Variants in MOB4 observed in about 807,000 individuals in gnomAD.
The protein encoded by MOB4 is MOB family member 4, phocein, also known as MOB-like protein phocein.
In MOB4, 4 loss-of-function variants were observed where a neutral mutation model predicts 32.2. The observed-to-expected ratio is 0.12, with a 90% CI of 0.06 to 0.28. The LOEUF is 0.28. Among genes scored for constraint, MOB4 ranks in the 10% least tolerant of loss-of-function variants. MOB4 has a pLI of 1.00. For synonymous variants in MOB4, 88 were observed against 88.1 expected (o/e 1.00, Z 0.01); for missense variants, 158 against 271.2 (o/e 0.58, Z 2.93).
intron 2 of MOB4, among the ~76,000 whole-genome samples, chr2:197,527,214 G>GT (rs2086625779): frequency 6.6e-6 from 1 of 151,838 alleles, no homozygotes; most frequent in South Asian, 2.1e-4. Context: ...AGATTGCCTC[G>GT]TATCTCTAGA....
At chr2:197,539,504 G>A (rs2086861395) in intron 3 of MOB4, among the ~76,000 whole-genome samples, 1 of 151,864 alleles carries the variant, frequency 6.6e-6, no homozygotes, top group African/African-American at 2.4e-5. Flanking sequence ...TTTTTGTGGC[G>A]ATGGAGTTTC....
At chr2:197,520,314 A>G (rs780270820) in intron 1 of MOB4, among the ~76,000 whole-genome samples, 45 of 148,874 alleles carry the variant, frequency 3.0e-4, no homozygotes, top group Admixed American at 1.3e-3. Flanking sequence ...AATTTTTTGT[A>G]TTTTTTCATA....
chr2:197,516,851 G>A, intron 1 of MOB4: 1 of 400,436 alleles, frequency 2.5e-6, no homozygotes, highest in Non-Finnish European at 5.2e-6. Flanking sequence ...TGGTAAATTG[G>A]TGCTTGATTA....
intron 6 of MOB4, among the ~76,000 whole-genome samples, chr2:197,548,991 G>A (rs534413368): frequency 2.6e-5 from 4 of 152,206 alleles, no homozygotes; most frequent in South Asian, 4.1e-4. Flanking sequence ...CACTTTGGGA[G>A]GCCGAGGCGT....
At chr2:197,544,542 A>G (rs2086957968) in intron 5 of MOB4, among the ~76,000 whole-genome samples, 2 of 152,184 alleles carry the variant, frequency 1.3e-5, no homozygotes, top group African/African-American at 4.8e-5. Flanking sequence ...TCACGAGGTC[A>G]GGAGATCAAG....
At chr2:197,524,541 A>AT (rs2086575259) in intron 2 of MOB4, among the ~76,000 whole-genome samples, 1 of 151,476 alleles carries the variant, frequency 6.6e-6, no homozygotes. Context: ...AAAAAAAAAA[A>AT]AAAAAACAAA....
At chr2:197,542,132 G>C (rs2086906965) in intron 5 of MOB4, among the ~76,000 whole-genome samples, 1 of 152,168 alleles carries the variant, frequency 6.6e-6, no homozygotes. Flanking sequence ...CTTTAGAGTG[G>C]AAGTGATATC....
chr2:197,535,009 A>G (rs1424144384), intron 2 of MOB4, among the ~76,000 whole-genome samples: 1 of 152,116 alleles, frequency 6.6e-6, no homozygotes, highest in African/African-American at 2.4e-5. Context: ...CCAAATCACA[A>G]TATGTACCAT....
At chr2:197,540,274 A>T in intron 4 of MOB4, 77 bp from the exon 5 acceptor site, 2 of 1,473,072 alleles carry the variant, frequency 1.4e-6, no homozygotes, top group Non-Finnish European at 1.8e-6. Flanking sequence ...AGAATTTATT[A>T]TGGAAATATA....
intron 5 of MOB4, among the ~76,000 whole-genome samples, chr2:197,544,898 A>G (rs1406250994): frequency 4.6e-5 from 7 of 152,232 alleles, no homozygotes; most frequent in Non-Finnish European, 1.0e-4. Context: ...AAAGATAGAC[A>G]ATAACAAGTG....
intron 3 of MOB4, among the ~76,000 whole-genome samples, chr2:197,538,298 C>T (rs1397155922): frequency 2.6e-5 from 4 of 151,616 alleles, no homozygotes; most frequent in Admixed American, 6.6e-5. Flanking sequence ...TTCTACTAGC[C>T]ACTTTTTGGT....
At chr2:197,542,942 T>C (rs2086922185) in intron 5 of MOB4, among the ~76,000 whole-genome samples, 1 of 152,166 alleles carries the variant, frequency 6.6e-6, no homozygotes, top group African/African-American at 2.4e-5. Flanking sequence ...ATGAGCCCCA[T>C]GTAGCTGTGT....
At chr2:197,529,835 G>A (rs564464694) in intron 2 of MOB4, among the ~76,000 whole-genome samples, 290 of 151,704 alleles carry the variant, frequency 1.9e-3, no homozygotes, top group Middle Eastern at 3.4e-3. Context: ...TGTATATTTA[G>A]TACAGACGGG....
intron 1 of MOB4, among the ~76,000 whole-genome samples, chr2:197,518,649 G>A (rs774679171): frequency 1.2e-4 from 18 of 149,736 alleles, no homozygotes; most frequent in Non-Finnish European, 2.2e-4. Context: ...TGCAGTCGCT[G>A]CCTCCCAAGT....
chr2:197,548,065 G>C (rs959509923), intron 5 of MOB4, among the ~76,000 whole-genome samples: 6 of 152,122 alleles, frequency 3.9e-5, no homozygotes, highest in Admixed American at 3.3e-4. Context: ...GATTCTTCTT[G>C]TCTGTAATTG....
At chr2:197,542,454 C>A (rs1010233806) in intron 5 of MOB4, among the ~76,000 whole-genome samples, 2 of 152,148 alleles carry the variant, frequency 1.3e-5, no homozygotes, top group Non-Finnish European at 2.9e-5. Context: ...TAGGAACTGA[C>A]AAACTAAGCT....
At chr2:197,547,316 A>G (rs963469771) in intron 5 of MOB4, among the ~76,000 whole-genome samples, 1 of 152,150 alleles carries the variant, frequency 6.6e-6, no homozygotes, top group African/African-American at 2.4e-5. Flanking sequence ...TCTGGTTTAA[A>G]GGTTGTAAAA....
In MOB4 at chr2:197,532,829, G is replaced by T. The variant is rs181289434; in HGVS notation, c.124-2701G>T. Among the ~76,000 whole-genome samples, 512 of 152,246 alleles carry T rather than the reference G, an allele frequency of 3.4e-3. 2 individuals are homozygous for T. The highest frequency in any genetic ancestry group is 5.1e-3 in the Non-Finnish European group (348 of 68,014). ...TTCTAGCCATAGAAGACTGGGTGCG[G>T]TGGCTCACGCTGTAATCCCAGCACT... On this transcript the variant is annotated intron_variant, in intron 2 of 7. Transcript: ENST00000323303.
chr2:197,525,239 C>T (rs1418536754), intron 2 of MOB4, among the ~76,000 whole-genome samples: 2 of 146,200 alleles, frequency 1.4e-5, no homozygotes, highest in East Asian at 2.0e-4. Flanking sequence ...CCCAGCTACT[C>T]GGGGGCTGAG....
Sources: allele counts gnomAD v4.1 joint callset (sites outside exome capture counted in the v4.1 genomes callset), GRCh38; gene constraint gnomAD v4.1.1; transcripts MANE v1.5; gene names NCBI Gene and HGNC (gene_info 2026-07-23, HGNC 2026-07-21).